The following HDAC9 variants were observed in gnomAD, a reference collection of about 807,000 sequenced individuals.
The protein encoded by HDAC9 is MEF-2 interacting transcription repressor (MITR) protein.
In HDAC9, 41 loss-of-function variants were observed where a neutral mutation model predicts 139.4. The ratio of observed to expected loss-of-function variants is 0.29; its 90% confidence interval spans 0.23 to 0.38. The LOEUF is 0.38. HDAC9 is among the 10% of genes least tolerant of loss of function. The pLI, the probability that HDAC9 is intolerant of heterozygous loss-of-function variation, is 1.00. For missense variants in HDAC9, 1,147 were observed against 1,297.0 expected, an observed-to-expected ratio of 0.88 and a Z score of 1.78; for synonymous variants, 517 against 476.2, an observed-to-expected ratio of 1.09 and a Z score of -1.12.
chr7:18,276,988 C>G (rs1796766069), intron 2 of HDAC9, among the ~76,000 whole-genome samples: 1 of 151,976 alleles, frequency 6.6e-6, no homozygotes, highest in African/African-American at 2.4e-5. Context: ...CAAATTGCCT[C>G]TAATCTTGAA....
rs959879233 is a variant in HDAC9 at position 18,440,334 on chromosome 7, G to A, written c.-41-55928G>A. 3.3e-5 allele frequency among the ~76,000 whole-genome samples: 5 copies of A among 151,762 alleles called. No individual in the cohort carries two copies. The East Asian group carries it at 7.7e-4, about 23-fold the overall frequency. ...CGAGTACCTGGGATTACAGGCATGCGCCACCATGCCTGGCTAATTTTTGTA... is the reference window on the plus strand; with the variant it reads ...CGAGTACCTGGGATTACAGGCATGCACCACCATGCCTGGCTAATTTTTGTA... On this transcript the variant is annotated intron_variant, in intron 1 of 3. Coordinates refer to the HDAC9 transcript ENST00000413509.
chr7:18,513,274 A>G (rs767315811), intron 2 of HDAC9, among the ~76,000 whole-genome samples: 1 of 152,236 alleles, frequency 6.6e-6, no homozygotes, highest in African/African-American at 2.4e-5. Context: ...GTTCTAAACT[A>G]GGTGAGAGAA....
At chr7:18,519,853 T>A (rs1239077882) in intron 2 of HDAC9, among the ~76,000 whole-genome samples, 1 of 152,222 alleles carries the variant, frequency 6.6e-6, no homozygotes, top group Admixed American at 6.5e-5. Flanking sequence ...TAACTATAAG[T>A]CAATACATAA....
chr7:18,157,745 G>A lies in HDAC9; in HGVS notation c.-96-4484G>A, dbSNP rs79624055. Among the ~76,000 whole-genome samples, 22 of 149,670 alleles carry A rather than the reference G, an allele frequency of 1.5e-4. No individual in the cohort carries two copies. The East Asian group carries it at 4.3e-3, about 30-fold the overall frequency. On this transcript the variant is annotated intron_variant, in intron 1 of 12. Transcript: ENST00000417496. ...TTGAATTGAACACAATGTTAAGAGC[G>A]GTTTTCTAATGCTTTTCTCCAAAGT... is the stretch of plus-strand genomic sequence containing the variant.
intron 21 of HDAC9, among the ~76,000 whole-genome samples, chr7:18,869,211 G>A (rs1267361370): frequency 6.6e-6 from 1 of 150,760 alleles, no homozygotes; most frequent in African/African-American, 2.5e-5. Flanking sequence ...AGGGCCTTGG[G>A]AGAGTTGTCT....
intron 6 of HDAC9, among the ~76,000 whole-genome samples, chr7:18,623,983 G>T (rs970279537): frequency 1.3e-5 from 2 of 152,100 alleles, no homozygotes; most frequent in African/African-American, 4.8e-5. Context: ...TGGTCTATTT[G>T]TGTCAGAGTC....
At chr7:18,711,723 C>T (rs1006501071) in intron 12 of HDAC9, among the ~76,000 whole-genome samples, 1 of 152,164 alleles carries the variant, frequency 6.6e-6, no homozygotes, top group Non-Finnish European at 1.5e-5. Flanking sequence ...ATGAGAGGAA[C>T]GCTGTCTTCC....
chr7:18,733,523 C>T (rs566125005), intron 13 of HDAC9, among the ~76,000 whole-genome samples: 87 of 151,416 alleles, frequency 5.7e-4, no homozygotes, highest in Non-Finnish European at 1.1e-3. Context: ...CTAATAATCA[C>T]TGAAGAAGAT....
intron 2 of HDAC9, among the ~76,000 whole-genome samples, chr7:18,175,603 C>G (rs1788826136): frequency 6.6e-6 from 1 of 152,142 alleles, no homozygotes; most frequent in Non-Finnish European, 1.5e-5. Context: ...CGGACCAGTC[C>G]ATAGTTTTAT....
At chr7:18,140,287 C>T (rs1227304145) in intron 1 of HDAC9, among the ~76,000 whole-genome samples, 1 of 152,082 alleles carries the variant, frequency 6.6e-6, no homozygotes, top group African/African-American at 2.4e-5. Context: ...GGGATATGGC[C>T]TCCATCCCAT....
chr7:18,869,216 T>C (rs1326895109), intron 21 of HDAC9, among the ~76,000 whole-genome samples: 1 of 141,584 alleles, frequency 7.1e-6, no homozygotes, highest in Non-Finnish European at 1.5e-5. Flanking sequence ...CTTGGGAGAG[T>C]TGTCTTGGTC....
At chr7:18,147,877 T>C (rs530188997) in intron 1 of HDAC9, among the ~76,000 whole-genome samples, 1 of 152,310 alleles carries the variant, frequency 6.6e-6, no homozygotes, top group Non-Finnish European at 1.5e-5. Context: ...GTCATTAATT[T>C]ACTGTAAGTA....
At chr7:18,842,517 A>G (rs1796651246) in intron 21 of HDAC9, among the ~76,000 whole-genome samples, 1 of 152,118 alleles carries the variant, frequency 6.6e-6, no homozygotes, top group South Asian at 2.1e-4. Flanking sequence ...AGTGTGAACC[A>G]CAATTATTCA....
intron 21 of HDAC9, among the ~76,000 whole-genome samples, chr7:18,868,155 A>C (rs558505988): frequency 1.3e-5 from 2 of 152,220 alleles, no homozygotes; most frequent in Admixed American, 1.3e-4. Context: ...TATGCCAGGT[A>C]ATCCCTGATT....
chr7:18,663,634 C>G (rs951746796), intron 11 of HDAC9, among the ~76,000 whole-genome samples: 4 of 152,148 alleles, frequency 2.6e-5, no homozygotes, highest in African/African-American at 4.8e-5. Context: ...CTCCGGGTAT[C>G]TACTTGAATC....
chr7:18,381,331 G>T (rs565616605), intron 1 of HDAC9, among the ~76,000 whole-genome samples: 1 of 151,822 alleles, frequency 6.6e-6, no homozygotes, highest in African/African-American at 2.4e-5. Context: ...GAATTTGGAA[G>T]ATATAATTAA....
At chr7:18,991,899 T>C (rs1786008166) in intron 25 of HDAC9, among the ~76,000 whole-genome samples, 1 of 152,204 alleles carries the variant, frequency 6.6e-6, no homozygotes, top group Non-Finnish European at 1.5e-5. Context: ...AGCAGGGATG[T>C]TTGTCTATTT....
intron 12 of HDAC9, among the ~76,000 whole-genome samples, chr7:18,685,901 A>T (rs1782235381): frequency 1.3e-5 from 2 of 152,056 alleles, no homozygotes; most frequent in African/African-American, 4.8e-5. Context: ...GGAATGTTAG[A>T]TAATGACAAC....
intron 13 of HDAC9, among the ~76,000 whole-genome samples, chr7:18,745,586 C>CCGGACTG (rs1217858294): frequency 7.5e-6 from 1 of 133,382 alleles, no homozygotes; most frequent in Non-Finnish European, 1.5e-5. Context: ...GTCGCCCAGG[C>CCGGACTG]CGGACTGCGG....
Sources: allele counts gnomAD v4.1 joint callset (sites outside exome capture counted in the v4.1 genomes callset), GRCh38; gene constraint gnomAD v4.1.1; transcripts MANE v1.5; gene names NCBI Gene and HGNC (gene_info 2026-07-23, HGNC 2026-07-21).